Variants in SLMAP observed in about 807,000 individuals in gnomAD.
SLMAP encodes sarcolemmal membrane-associated protein.
Under a neutral mutation model 128.8 loss-of-function variants are expected in SLMAP, and 44 were observed. That is an observed-to-expected ratio of 0.34 (90% CI 0.27 to 0.44). The LOEUF (loss-of-function observed/expected upper bound fraction) is 0.44. SLMAP is among the 20% of genes least tolerant of loss of function. The pLI is 1.00. For synonymous variants in SLMAP, 327 were observed against 348.8 expected (o/e 0.94, Z 0.70); for missense variants, 787 against 985.3 (o/e 0.80, Z 2.69).
chr3:57,774,896 A>G (rs1168831073), intron 2 of SLMAP, among the ~76,000 whole-genome samples: 1 of 152,170 alleles, frequency 6.6e-6, no homozygotes, highest in South Asian at 2.1e-4. Flanking sequence ...TTAAGCATTA[A>G]TATGTATTCA....
Position 57,864,794 on chromosome 3 carries a change from CTT to C in SLMAP, c.1136-10_1136-9del. The C allele has an allele frequency of 6.4e-7, 1 of 1,551,342 alleles. No individual in the cohort carries two copies. Among genetic ancestry groups the C allele is most frequent in the Non-Finnish European group, 8.7e-7 (1 of 1,152,706 alleles). The stretch of plus-strand genomic sequence containing the variant: ...GTGAAATATCTTTTTTTTTTTTGGA[CTT>C]TTATTTACAGTACGGTTAGAACATC... On this transcript the variant is annotated splice_polypyrimidine_tract_variant and intron_variant, in intron 11 of 24. Transcript: ENST00000671191.
At chr3:57,773,401 A>G (rs1285795101) in intron 2 of SLMAP, among the ~76,000 whole-genome samples, 3 of 152,246 alleles carry the variant, frequency 2.0e-5, no homozygotes, top group East Asian at 3.8e-4. Flanking sequence ...TAATTAGCCT[A>G]TGGTAAAATT....
intron 2 of SLMAP, 93 bp downstream of exon 2, chr3:57,757,942 G>C: frequency 8.9e-7 from 1 of 1,121,488 alleles, no homozygotes; most frequent in Non-Finnish European, 1.3e-6. Flanking sequence ...AGGATCCCAG[G>C]GTTTGCATCC....
chr3:57,877,006 G>A (rs1560372970), intron 14 of SLMAP, among the ~76,000 whole-genome samples: 1 of 152,034 alleles, frequency 6.6e-6, no homozygotes, highest in East Asian at 1.9e-4. Context: ...GAGTTAATCA[G>A]TGCCCTGAAG....
intron 22 of SLMAP, among the ~76,000 whole-genome samples, chr3:57,919,782 C>T (rs927672758): frequency 1.3e-5 from 2 of 149,202 alleles, no homozygotes; most frequent in African/African-American, 2.5e-5. Context: ...GCAACAAGAG[C>T]GAAACTCCAT....
chr3:57,801,145 C>T (rs1256272721), intron 2 of SLMAP: 2 of 152,686 alleles, frequency 1.3e-5, no homozygotes, highest in African/African-American at 4.8e-5. Context: ...TCCCAGCAGT[C>T]TTCCTGACAT....
chr3:57,895,202 C>T (rs2096207890), intron 15 of SLMAP, among the ~76,000 whole-genome samples: 1 of 151,984 alleles, frequency 6.6e-6, no homozygotes. Context: ...AATTAATTGC[C>T]AGTCATCTTT....
chr3:57,896,538 A>G lies in SLMAP; in HGVS notation c.1388A>G (p.Asp463Gly), dbSNP rs1559480871. 1 of 1,609,368 alleles carries G rather than the reference A, an allele frequency of 6.2e-7. No homozygotes were observed. Among genetic ancestry groups the G allele is most frequent in the East Asian group, 2.2e-5 (1 of 44,770 alleles). Residue 463 changes from aspartate (D) to glycine (G), a missense_variant, in exon 16 of 25, where the codon GAT becomes GGT. Physicochemically the swap from Asp to Gly is moderately conservative, Grantham distance 94. This residue lies in a region of SLMAP where 715 missense variants were observed against 843.6 expected (regional missense o/e 0.85). Coordinates refer to ENST00000671191, the MANE Select transcript of SLMAP (RefSeq NM_001377540.1). ...AATCAGACAAGAGCAAAAGAATCTG[A>G]TTTTTCAGATACTCTGAGTCCAAGC... is the stretch of plus-strand genomic sequence containing the variant. The part of the protein sequence containing the change: ...KENQTRAKES[D>G]FSDTLSPSKE...
At chr3:57,907,174 C>T (rs1210387436) in intron 17 of SLMAP, among the ~76,000 whole-genome samples, 1 of 151,998 alleles carries the variant, frequency 6.6e-6, no homozygotes, top group Non-Finnish European at 1.5e-5. Context: ...ACTACTGGCA[C>T]CTGCCACCAC....
At chr3:57,886,596 A>G (rs1438392209) in intron 14 of SLMAP, among the ~76,000 whole-genome samples, 7 of 150,640 alleles carry the variant, frequency 4.6e-5, no homozygotes, top group Non-Finnish European at 8.9e-5. Context: ...TTTTTTTTCA[A>G]GAGGGAAAAT....
intron 6 of SLMAP, among the ~76,000 whole-genome samples, chr3:57,852,291 GA>G (rs1264265507): frequency 6.6e-6 from 1 of 152,272 alleles, no homozygotes; most frequent in African/African-American, 2.4e-5. Flanking sequence ...AAAATGAACA[GA>G]AAATTATCAA....
chr3:57,880,485 G>A (rs1475894775), intron 14 of SLMAP, among the ~76,000 whole-genome samples: 1 of 152,088 alleles, frequency 6.6e-6, no homozygotes, highest in African/African-American at 2.4e-5. Context: ...TTACAAGCAT[G>A]AGCCACCATG....
intron 21 of SLMAP, among the ~76,000 whole-genome samples, chr3:57,914,968 C>T (rs1013265538): frequency 7.3e-5 from 11 of 151,520 alleles, no homozygotes; most frequent in Non-Finnish European, 1.2e-4. Flanking sequence ...TCACTGCAGC[C>T]TCCGCCTCCC....
chr3:57,860,596 T>G, intron 8 of SLMAP, 103 bp from the exon 9 acceptor site: 1 of 859,272 alleles, frequency 1.2e-6, no homozygotes, highest in Admixed American at 3.7e-5. Flanking sequence ...TGGAGGTACC[T>G]TAATATATAA....
intron 2 of SLMAP, among the ~76,000 whole-genome samples, chr3:57,762,963 A>G (rs1380795952): frequency 6.6e-6 from 1 of 152,116 alleles, no homozygotes; most frequent in Non-Finnish European, 1.5e-5. Context: ...ACCTCAGGTG[A>G]TCTGCCTGCC....
intron 2 of SLMAP, among the ~76,000 whole-genome samples, chr3:57,813,198 T>A (rs1285420732): frequency 6.6e-6 from 1 of 150,392 alleles, no homozygotes; most frequent in African/African-American, 2.5e-5. Context: ...CGAGTTCAGG[T>A]GATTCTCCTG....
In SLMAP at chr3:57,770,837, G is replaced by A. The variant is rs181926504; in HGVS notation, c.198+12988G>A. ...CTTTTTTGGTTGGTGTGTTTGTATA[G>A]TAATACCAGTTGAATATCCCTTATC... On this transcript the variant is annotated intron_variant, in intron 2 of 24. Coordinates refer to ENST00000671191, the MANE Select transcript of SLMAP (RefSeq NM_001377540.1). 1.7e-3 allele frequency among the ~76,000 whole-genome samples: 266 copies of A among 152,256 alleles called. 1 individual carries two copies. The highest frequency in any genetic ancestry group is 5.6e-3 in the African/African-American group (232 of 41,550).
intron 2 of SLMAP, among the ~76,000 whole-genome samples, chr3:57,813,304 C>T (rs1420758957): frequency 7.2e-5 from 11 of 152,106 alleles, no homozygotes; most frequent in Admixed American, 1.3e-4. Flanking sequence ...CCATGTTGGC[C>T]GGGTTGGTCT....
intron 8 of SLMAP, among the ~76,000 whole-genome samples, chr3:57,858,733 G>A (rs1186026479): frequency 1.3e-5 from 2 of 152,014 alleles, no homozygotes; most frequent in Admixed American, 6.6e-5. Context: ...ACCTGAGCTC[G>A]AGAGTTCAAG....
Sources: allele counts gnomAD v4.1 joint callset (sites outside exome capture counted in the v4.1 genomes callset), GRCh38; gene constraint gnomAD v4.1.1; regional missense constraint gnomAD v4.1.1; transcripts MANE v1.5; gene names NCBI Gene and HGNC (gene_info 2026-07-23, HGNC 2026-07-21).